Variants in COPZ1 observed in about 807,000 individuals in gnomAD.
COPZ1 encodes the protein coatomer subunit zeta-1.
COPZ1 carries 4 observed loss-of-function variants against 31.7 expected under a neutral mutation model. The ratio of observed to expected loss-of-function variants is 0.13; its 90% confidence interval spans 0.06 to 0.29. COPZ1 has a LOEUF of 0.29. Ranked by LOEUF, COPZ1 falls within the 10% of genes least tolerant of loss-of-function variation. The probability of loss-of-function intolerance (pLI) is 1.00; values close to 1 mark genes in which losing one functional copy is unlikely to be tolerated. For missense variants in COPZ1, 156 were observed against 211.5 expected (o/e 0.74, Z 1.63); for synonymous variants, 74 against 79.0 (o/e 0.94, Z 0.33).
At chr12:54,337,334 G>A (rs1032103391) in intron 1 of COPZ1, 1 of 532,960 alleles carries the variant, frequency 1.9e-6, no homozygotes, top group Non-Finnish European at 3.9e-6. Context: ...CATTTTGGGA[G>A]TGGGAGGGAA....
chr12:54,339,732 G>A (rs962855015), intron 1 of COPZ1, among the ~76,000 whole-genome samples: 10 of 152,060 alleles, frequency 6.6e-5, no homozygotes, highest in African/African-American at 2.2e-4. Flanking sequence ...GACTGAGGCC[G>A]TGATTCCTTA....
At chr12:54,348,796 T>A (rs1017784240) in intron 7 of COPZ1, among the ~76,000 whole-genome samples, 6 of 152,066 alleles carry the variant, frequency 3.9e-5, no homozygotes, top group Non-Finnish European at 7.4e-5. Context: ...GGATGGTACC[T>A]CTCCATTAGG....
intron 1 of COPZ1, among the ~76,000 whole-genome samples, chr12:54,339,384 G>C (rs1307249500): frequency 6.6e-6 from 1 of 151,862 alleles, no homozygotes. Context: ...GTTTCACTCT[G>C]TCACCCAGCC....
chr12:54,345,434 C>G (rs1275221476), intron 4 of COPZ1, 26 bp from the exon 5 acceptor site: 3 of 1,603,242 alleles, frequency 1.9e-6, no homozygotes, highest in African/African-American at 2.7e-5. Context: ...GAACCTTATC[C>G]TTCTGCCTCC....
chr12:54,336,622 A>C (rs937769825), intron 1 of COPZ1, among the ~76,000 whole-genome samples: 42 of 152,006 alleles, frequency 2.8e-4, no homozygotes, highest in Non-Finnish European at 5.7e-4. Flanking sequence ...CAGGTCACCG[A>C]GAAGGCCCAC....
At chr12:54,342,852 T>G (rs1444521494) in intron 3 of COPZ1, among the ~76,000 whole-genome samples, 1 of 130,150 alleles carries the variant, frequency 7.7e-6, no homozygotes, top group Non-Finnish European at 1.5e-5. Context: ...GGTAACGCCT[T>G]CTTTTTTTTT....
chr12:54,349,292 T>A (rs1205107564), intron 7 of COPZ1, among the ~76,000 whole-genome samples: 4 of 152,148 alleles, frequency 2.6e-5, no homozygotes, highest in African/African-American at 9.7e-5. Flanking sequence ...GAAAAGGCCT[T>A]TTCTGACTAG....
chr12:54,325,361 G>T, intron 1 of COPZ1, 180 bp downstream of exon 1: 1 of 810,938 alleles, frequency 1.2e-6, no homozygotes, highest in Non-Finnish European at 1.9e-6. Flanking sequence ...GTTTAGAGTA[G>T]GAAGCCCTGC....
At chr12:54,326,013 G>T (rs1236588412) in intron 1 of COPZ1, among the ~76,000 whole-genome samples, 3 of 151,006 alleles carry the variant, frequency 2.0e-5, no homozygotes, top group African/African-American at 7.3e-5. Context: ...TAGAGACGTG[G>T]TTTCACCATG....
intron 1 of COPZ1, among the ~76,000 whole-genome samples, chr12:54,331,235 C>T (rs1392484357): frequency 7.6e-6 from 1 of 131,564 alleles, no homozygotes; most frequent in African/African-American, 2.9e-5. Context: ...GGCTAGAGTG[C>T]AATGGCATGA....
At chr12:54,339,731 C>A (rs1015755270) in intron 1 of COPZ1, among the ~76,000 whole-genome samples, 2 of 152,028 alleles carry the variant, frequency 1.3e-5, no homozygotes, top group African/African-American at 2.4e-5. Flanking sequence ...AGACTGAGGC[C>A]GTGATTCCTT....
At chr12:54,345,384 T>G in intron 4 of COPZ1, 76 bp from the exon 5 acceptor site, 1 of 1,057,732 alleles carries the variant, frequency 9.5e-7, no homozygotes, top group Non-Finnish European at 1.5e-6. Flanking sequence ...GTTTAATGAA[T>G]TAGGAGGTTT....
intron 1 of COPZ1, among the ~76,000 whole-genome samples, chr12:54,332,571 C>G (rs573279185): frequency 6.6e-6 from 1 of 152,104 alleles, no homozygotes. Flanking sequence ...GCCCTGTCTA[C>G]TAAAAACACA....
chr12:54,328,935 G>A (rs778752812), intron 1 of COPZ1, among the ~76,000 whole-genome samples: 2 of 152,182 alleles, frequency 1.3e-5, no homozygotes, highest in Non-Finnish European at 2.9e-5. Context: ...ATTGATTGTG[G>A]AATTTCTAAA....
intron 1 of COPZ1, among the ~76,000 whole-genome samples, chr12:54,327,134 C>T (rs1012496354): frequency 1.3e-5 from 2 of 150,860 alleles, no homozygotes; most frequent in African/African-American, 4.9e-5. Flanking sequence ...GCACGCGCCA[C>T]CATGCCCAGC....
At chr12:54,348,523 G>A (rs1275327436) in intron 7 of COPZ1, among the ~76,000 whole-genome samples, 2 of 152,062 alleles carry the variant, frequency 1.3e-5, no homozygotes, top group Non-Finnish European at 2.9e-5. Context: ...CGGATCACAA[G>A]GTCAGGAGTT....
chr12:54,340,709 C>A, intron 2 of COPZ1, 94 bp downstream of exon 2: 1 of 1,274,620 alleles, frequency 7.8e-7, no homozygotes, highest in Non-Finnish European at 1.1e-6. Context: ...TTATGTTCCT[C>A]AGTAGTATAA....
At chr12:54,334,746 A>G (rs951007146) in intron 1 of COPZ1, among the ~76,000 whole-genome samples, 1 of 149,558 alleles carries the variant, frequency 6.7e-6, no homozygotes, top group African/African-American at 2.5e-5. Flanking sequence ...AGTCCCAGCC[A>G]CTCGGGAGGC....
chr12:54,345,172 C>A, intron 4 of COPZ1: 1 of 303,408 alleles, frequency 3.3e-6, no homozygotes, highest in Non-Finnish European at 6.2e-6. Flanking sequence ...CCTAAGACAT[C>A]AGGTAACACA....
Sources: allele counts gnomAD v4.1 joint callset (sites outside exome capture counted in the v4.1 genomes callset), GRCh38; gene constraint gnomAD v4.1.1; transcripts MANE v1.5; gene names NCBI Gene and HGNC (gene_info 2026-07-23, HGNC 2026-07-21).